The following ZFAND3 variants were observed in gnomAD, a reference collection of about 807,000 sequenced individuals.
ZFAND3 encodes zinc finger AN1-type containing 3, also known as AN1-type zinc finger protein 3.
ZFAND3 carries 10 observed loss-of-function variants against 29.6 expected under a neutral mutation model. That is an observed-to-expected ratio of 0.34 (90% CI 0.21 to 0.57). ZFAND3 has a LOEUF of 0.57. Among genes scored for constraint, ZFAND3 ranks in the 20% least tolerant of loss-of-function variants. ZFAND3 has a pLI of 0.86. For synonymous variants in ZFAND3, 128 were observed against 112.6 expected (o/e 1.14, Z -0.87); for missense variants, 230 against 304.5 (o/e 0.76, Z 1.82).
intron 2 of ZFAND3, among the ~76,000 whole-genome samples, chr6:38,032,606 C>G (rs1763582790): frequency 6.6e-6 from 1 of 152,168 alleles, no homozygotes; most frequent in African/African-American, 2.4e-5. Flanking sequence ...TAATTGTTTT[C>G]AAAGGGCATT....
At chr6:38,022,912 T>C (rs1763377713) in intron 2 of ZFAND3, among the ~76,000 whole-genome samples, 1 of 152,220 alleles carries the variant, frequency 6.6e-6, no homozygotes, top group African/African-American at 2.4e-5. Context: ...ACTAGCTGTC[T>C]TGATGACTGT....
At chr6:38,083,463 T>C (rs1422856531) in intron 4 of ZFAND3, among the ~76,000 whole-genome samples, 1 of 151,436 alleles carries the variant, frequency 6.6e-6, no homozygotes, top group Admixed American at 6.6e-5. Flanking sequence ...AGTAGATTTC[T>C]TTTTTTTACT....
chr6:37,987,682 G>C lies in ZFAND3; in HGVS notation c.112+57683G>C, dbSNP rs954348662. 2.6e-5 allele frequency among the ~76,000 whole-genome samples: 4 copies of C among 152,302 alleles called. No homozygotes were observed. In the South Asian group the frequency reaches 8.3e-4, roughly 32 times the overall value. On this transcript the variant is annotated intron_variant, in intron 2 of 5. Transcript: ENST00000287218. ...GTGTAAGCACTGCTGTTCTGCCACA[G>C]AATTTCTGAGATCATTTGCTAGCAC...
Position 38,152,359 on chromosome 6 carries a change from C to T in ZFAND3, c.654C>T (p.Ser218=). ...MVKLDRKVGR[S]CQRIGEGCS The stretch of plus-strand genomic sequence containing the variant: ...AGCTGGACCGGAAAGTGGGGCGCTC[C>T]TGCCAGCGCATCGGGGAGGGGTGCT... The change falls in exon 6 of 6, where the codon TCC becomes TCT. Residue 218 remains serine, a synonymous_variant. Transcript: ENST00000287218. 1 of 1,605,554 alleles carries T rather than the reference C, an allele frequency of 6.2e-7. No individual in the cohort carries two copies. The highest frequency in any genetic ancestry group is 2.2e-5 in the East Asian group (1 of 44,572).
chr6:37,995,758 A>G (rs1476013869), intron 2 of ZFAND3, among the ~76,000 whole-genome samples: 1 of 151,290 alleles, frequency 6.6e-6, no homozygotes, highest in Non-Finnish European at 1.5e-5. Context: ...TAGTAAGTAA[A>G]ATGAGTGCAT....
At position 38,152,533 on chromosome 6, in the gene ZFAND3, ACT is replaced by A; in HGVS notation, c.*145_*146del. On this transcript the variant is annotated 3_prime_UTR_variant, in exon 6 of 6. Transcript: ENST00000287218. ...CCTTTCTTTAGCCAGCCATCCTGGT[ACT>A]GTAGTTTAGGGGTTGATGGTGGTTG... The A allele has an allele frequency of 7.4e-7, 1 of 1,355,264 alleles. No individual in the cohort carries two copies. The highest frequency in any genetic ancestry group is 9.5e-7 in the Non-Finnish European group (1 of 1,054,422). The allele number at this position is 1,355,264 out of a possible 1,614,324, so 84.0% of individuals were successfully genotyped here. A position where few individuals can be genotyped will look rare whatever the true frequency, so the allele number is the denominator to read the frequency against.
intron 1 of ZFAND3, among the ~76,000 whole-genome samples, chr6:37,835,423 C>T (rs1027889458): frequency 6.7e-6 from 1 of 150,068 alleles, no homozygotes; most frequent in Non-Finnish European, 1.5e-5. Flanking sequence ...TCCCAAAGTG[C>T]TGGGATTACA....
intron 1 of ZFAND3, among the ~76,000 whole-genome samples, chr6:37,846,995 G>A (rs1426068454): frequency 6.6e-6 from 1 of 152,026 alleles, no homozygotes; most frequent in East Asian, 2.0e-4. Flanking sequence ...ACAGGCTTGA[G>A]CCACTGTGCC....
At chr6:38,038,249 C>G (rs541092629) in intron 2 of ZFAND3, among the ~76,000 whole-genome samples, 43 of 152,290 alleles carry the variant, frequency 2.8e-4, no homozygotes, top group African/African-American at 9.4e-4. Flanking sequence ...TTGTTACCCT[C>G]TAGCATGTTG....
At chr6:37,886,685 G>A (rs1485093836) in intron 1 of ZFAND3, among the ~76,000 whole-genome samples, 1 of 152,144 alleles carries the variant, frequency 6.6e-6, no homozygotes, top group Non-Finnish European at 1.5e-5. Flanking sequence ...TCCATGTTTT[G>A]GATTTTATAA....
At chr6:37,877,635 G>A (rs978229860) in intron 1 of ZFAND3, among the ~76,000 whole-genome samples, 1 of 152,210 alleles carries the variant, frequency 6.6e-6, no homozygotes, top group African/African-American at 2.4e-5. Context: ...AGGATCTACT[G>A]TGTAAACATA....
intron 1 of ZFAND3, among the ~76,000 whole-genome samples, chr6:37,888,047 CAA>C (rs1020607039): frequency 1.3e-5 from 2 of 152,004 alleles, no homozygotes; most frequent in African/African-American, 4.8e-5. Flanking sequence ...GTAGAAAAAA[CAA>C]AACAAAACTG....
intron 2 of ZFAND3, among the ~76,000 whole-genome samples, chr6:38,041,622 T>TA (rs1163471581): frequency 8.5e-6 from 1 of 118,112 alleles, no homozygotes; most frequent in Non-Finnish European, 2.0e-5. Context: ...ACTGTTTTTT[T>TA]ATCTACTTTT....
At chr6:37,844,139 G>T (rs1294116514) in intron 1 of ZFAND3, among the ~76,000 whole-genome samples, 3 of 151,966 alleles carry the variant, frequency 2.0e-5, no homozygotes, top group Admixed American at 6.6e-5. Flanking sequence ...GCCCAGGCTG[G>T]TCTTGAACTC....
chr6:37,909,620 CTTTT>C (rs34105026), intron 1 of ZFAND3, among the ~76,000 whole-genome samples: 110 of 122,948 alleles, frequency 8.9e-4, no homozygotes, highest in African/African-American at 2.9e-3. Flanking sequence ...GTTCAGAATT[CTTTT>C]TTTTTTTTTT....
At chr6:38,115,224 C>G (rs1324157627) in intron 4 of ZFAND3, among the ~76,000 whole-genome samples, 1 of 152,122 alleles carries the variant, frequency 6.6e-6, no homozygotes, top group Non-Finnish European at 1.5e-5. Flanking sequence ...CCATGTAGAT[C>G]TGGGTGAAGA....
chr6:37,981,573 G>A (rs1762580235), intron 2 of ZFAND3, among the ~76,000 whole-genome samples: 1 of 151,996 alleles, frequency 6.6e-6, no homozygotes, highest in African/African-American at 2.4e-5. Context: ...AGTAAGTTTT[G>A]TTATAAATTC....
chr6:38,082,191 A>G (rs771681493), intron 3 of ZFAND3, among the ~76,000 whole-genome samples: 10 of 151,326 alleles, frequency 6.6e-5, no homozygotes, highest in East Asian at 3.9e-4. Flanking sequence ...TAGAAAGACT[A>G]TGCATCTCTG....
intron 5 of ZFAND3, among the ~76,000 whole-genome samples, chr6:38,125,262 A>G (rs186453865): frequency 1.3e-5 from 2 of 152,312 alleles, no homozygotes; most frequent in Non-Finnish European, 2.9e-5. Flanking sequence ...AACCAGATAG[A>G]TTAGTCCCTC....
Sources: gnomAD v4.1 joint callset for allele counts (sites outside exome capture counted in the v4.1 genomes callset) on GRCh38, gnomAD v4.1.1 for gene constraint, MANE v1.5 for transcripts, NCBI Gene and HGNC (gene_info 2026-07-23, HGNC 2026-07-21) for gene names.